Variants in PTPRD observed in about 807,000 individuals in gnomAD.
PTPRD encodes the protein protein tyrosine phosphatase receptor type D.
In PTPRD, 34 loss-of-function variants were observed where a neutral mutation model predicts 214.5. That is an observed-to-expected ratio of 0.16 (90% CI 0.12 to 0.21). The LOEUF is 0.21. Ranked by LOEUF, PTPRD falls within the 10% of genes least tolerant of loss-of-function variation. The pLI is 1.00. For synonymous variants in PTPRD, 1,128 were observed against 845.7 expected (o/e 1.33, Z -5.79); for missense variants, 2,545 against 2,398.7 (o/e 1.06, Z -1.27).
chr9:8,557,455 T>TATACATACATACACATAC, intron 14 of PTPRD, among the ~76,000 whole-genome samples: 3 of 135,640 alleles, frequency 2.2e-5, no homozygotes, highest in African/African-American at 1.0e-4. Flanking sequence ...TATATATATA[T>TATACATACATACACATAC]ATTTGGGCCG....
At chr9:9,151,655 A>G (rs1435580047) in intron 10 of PTPRD, among the ~76,000 whole-genome samples, 1 of 152,190 alleles carries the variant, frequency 6.6e-6, no homozygotes, top group Non-Finnish European at 1.5e-5. Context: ...TTTAGAGGCT[A>G]TTGTAGACTA....
At chr9:9,245,520 C>G (rs977176238) in intron 9 of PTPRD, among the ~76,000 whole-genome samples, 1 of 149,978 alleles carries the variant, frequency 6.7e-6, no homozygotes, top group Non-Finnish European at 1.5e-5. Context: ...ATTGCAAGGA[C>G]AAAAAACCAA....
chr9:10,203,458 G>T (rs2099443308), intron 3 of PTPRD, among the ~76,000 whole-genome samples: 2 of 151,890 alleles, frequency 1.3e-5, no homozygotes, highest in African/African-American at 4.8e-5. Context: ...TTGATGAAAA[G>T]GCCACACCCA....
intron 10 of PTPRD, among the ~76,000 whole-genome samples, chr9:9,180,240 G>A (rs995364518): frequency 2.4e-4 from 37 of 151,766 alleles, no homozygotes; most frequent in African/African-American, 6.3e-4. Context: ...AATGTGGCAC[G>A]TATACACCAT....
intron 7 of PTPRD, among the ~76,000 whole-genome samples, chr9:9,601,153 G>GTGTGTAT (rs200355226): frequency 1.3e-4 from 12 of 94,086 alleles, no homozygotes; most frequent in South Asian, 4.0e-4. Flanking sequence ...GTGTGTGTAT[G>GTGTGTAT]GGGGGGGGAG....
At chr9:10,491,387 T>G (rs1349388170) in intron 2 of PTPRD, among the ~76,000 whole-genome samples, 1 of 152,166 alleles carries the variant, frequency 6.6e-6, no homozygotes, top group East Asian at 1.9e-4. Context: ...ACATAAGAAT[T>G]AGATCACTGA....
intron 36 of PTPRD, among the ~76,000 whole-genome samples, chr9:8,389,661 C>T (rs924759505): frequency 6.6e-6 from 1 of 152,096 alleles, no homozygotes; most frequent in Admixed American, 6.6e-5. Flanking sequence ...CCATAGAATG[C>T]CTTTTCCTTC....
At chr9:8,774,455 T>C (rs887484830) in intron 11 of PTPRD, among the ~76,000 whole-genome samples, 3 of 151,168 alleles carry the variant, frequency 2.0e-5, no homozygotes, top group African/African-American at 7.3e-5. Context: ...AGAGACTTTG[T>C]AAAGGATTTT....
In PTPRD at chr9:9,026,529, T is replaced by G. The variant is rs577562039; in HGVS notation, c.-142-7794A>C. 2.0e-5 allele frequency among the ~76,000 whole-genome samples: 3 copies of G among 152,038 alleles called. No homozygotes were observed. In the South Asian group the frequency reaches 6.2e-4, roughly 32 times the overall value. On this transcript the variant is annotated intron_variant, in intron 10 of 45. Transcript: ENST00000381196. ...GTGACACAGCAAGGTAGTCATGGAG[T>G]CTGGTTTCCTGTCCAGGGTTTGTTC...
chr9:9,977,875 TA>T (rs1300778829), intron 4 of PTPRD, among the ~76,000 whole-genome samples: 2 of 152,102 alleles, frequency 1.3e-5, no homozygotes, highest in East Asian at 3.9e-4. Flanking sequence ...AATGAATTAA[TA>T]TTTCTTCTGA....
At chr9:8,961,879 A>G (rs2099160657) in intron 11 of PTPRD, among the ~76,000 whole-genome samples, 1 of 152,130 alleles carries the variant, frequency 6.6e-6, no homozygotes, top group Non-Finnish European at 1.5e-5. Context: ...CCATGACAGC[A>G]TGAAAACCCC....
At chr9:8,789,395 G>A (rs2096129913) in intron 11 of PTPRD, among the ~76,000 whole-genome samples, 1 of 152,124 alleles carries the variant, frequency 6.6e-6, no homozygotes, top group Admixed American at 6.5e-5. Context: ...TAAAGCTCAG[G>A]AACTGTTAGT....
intron 35 of PTPRD, among the ~76,000 whole-genome samples, chr9:8,424,961 G>A (rs2094568248): frequency 6.6e-6 from 1 of 152,146 alleles, no homozygotes. Context: ...CCAAGGCCTA[G>A]CCAAAACTGC....
chr9:9,224,744 C>G (rs777295283), intron 9 of PTPRD, among the ~76,000 whole-genome samples: 1 of 151,874 alleles, frequency 6.6e-6, no homozygotes, highest in Non-Finnish European at 1.5e-5. Flanking sequence ...GCTTTACTAT[C>G]TTTTCTGAAG....
chr9:8,833,687 C>CCT (rs146738870), intron 11 of PTPRD, among the ~76,000 whole-genome samples: 10,124 of 124,600 alleles, frequency 0.081, 603 homozygotes, highest in African/African-American at 0.17. Flanking sequence ...AAAACTCTCT[C>CCT]CTCTCTCTCT....
chr9:9,795,604 C>T (rs1354465869), intron 5 of PTPRD, among the ~76,000 whole-genome samples: 1 of 152,046 alleles, frequency 6.6e-6, no homozygotes, highest in Non-Finnish European at 1.5e-5. Context: ...GAAGCATATA[C>T]AATTATAAAC....
chr9:9,294,415 T>C (rs2802278), intron 9 of PTPRD, among the ~76,000 whole-genome samples: 19,919 of 151,738 alleles, frequency 0.13, 1,629 homozygotes, highest in Middle Eastern at 0.2. Context: ...CTCCTTGTTA[T>C]GGATTGAATA....
At chr9:9,054,095 C>G (rs924533869) in intron 10 of PTPRD, among the ~76,000 whole-genome samples, 1 of 152,078 alleles carries the variant, frequency 6.6e-6, no homozygotes, top group Admixed American at 6.6e-5. Flanking sequence ...GGTCCATGCA[C>G]CAAATGTCTC....
At chr9:9,757,471 C>G (rs532375172) in intron 6 of PTPRD, among the ~76,000 whole-genome samples, 101 of 152,196 alleles carry the variant, frequency 6.6e-4, no homozygotes, top group South Asian at 5.2e-3. Context: ...TTTTCAGTAT[C>G]ATTTTTGTTC....
Sources: gnomAD v4.1 joint callset for allele counts (sites outside exome capture counted in the v4.1 genomes callset) on GRCh38, gnomAD v4.1.1 for gene constraint, MANE v1.5 for transcripts, NCBI Gene and HGNC (gene_info 2026-07-23, HGNC 2026-07-21) for gene names.